The following NPAS3 variants were observed in gnomAD, a reference collection of about 807,000 sequenced individuals.
NPAS3 encodes the protein neuronal PAS domain protein 3, also known as neuronal PAS domain-containing protein 3.
In NPAS3, 14 loss-of-function variants were observed where a neutral mutation model predicts 73.1. The ratio of observed to expected loss-of-function variants is 0.19; its 90% CI spans 0.13 to 0.30. The LOEUF is 0.30. NPAS3 is among the 10% of genes least tolerant of loss of function. NPAS3 has a pLI of 1.00. For synonymous variants in NPAS3, 620 were observed against 541.5 expected, an observed-to-expected ratio of 1.14 and a Z score of -2.01; for missense variants, 1,096 against 1,250.0, an observed-to-expected ratio of 0.88 and a Z score of 1.86.
intron 4 of NPAS3, among the ~76,000 whole-genome samples, chr14:33,453,271 T>C (rs1409705668): frequency 1.3e-5 from 2 of 152,206 alleles, no homozygotes; most frequent in Non-Finnish European, 2.9e-5. Flanking sequence ...GATTGAGTTT[T>C]AATGTAAGAT....
intron 3 of NPAS3, among the ~76,000 whole-genome samples, chr14:33,322,689 T>C (rs927506632): frequency 6.6e-6 from 1 of 152,096 alleles, no homozygotes; most frequent in African/African-American, 2.4e-5. Flanking sequence ...TAACTAAAAG[T>C]TTTTCTGAGC....
At chr14:33,737,787 T>A (rs1225729065) in intron 7 of NPAS3, among the ~76,000 whole-genome samples, 1 of 152,110 alleles carries the variant, frequency 6.6e-6, no homozygotes, top group East Asian at 1.9e-4. Flanking sequence ...TATAAAACAT[T>A]CCAATAAAAC....
chr14:33,154,657 A>G (rs1005980921), intron 2 of NPAS3, among the ~76,000 whole-genome samples: 2 of 152,234 alleles, frequency 1.3e-5, no homozygotes, highest in Non-Finnish European at 2.9e-5. Context: ...GGGAAAAAAT[A>G]CATAATATGC....
chr14:33,387,562 C>T (rs972142252), intron 4 of NPAS3, among the ~76,000 whole-genome samples: 14 of 152,132 alleles, frequency 9.2e-5, no homozygotes, highest in Admixed American at 7.9e-4. Context: ...CCTCACACAT[C>T]CAGATGTAGA....
At chr14:33,635,240 C>T (rs1567073202) in intron 5 of NPAS3, among the ~76,000 whole-genome samples, 1 of 152,148 alleles carries the variant, frequency 6.6e-6, no homozygotes, top group Non-Finnish European at 1.5e-5. Context: ...GGGATATGCC[C>T]ATCACATCTG....
intron 4 of NPAS3, among the ~76,000 whole-genome samples, chr14:33,376,130 G>A (rs1017351785): frequency 5.3e-5 from 8 of 152,080 alleles, no homozygotes; most frequent in African/African-American, 1.9e-4. Context: ...TCAAACAGAG[G>A]TTGATTGTAA....
chr14:33,195,043 A>G (rs2046302015), intron 2 of NPAS3, among the ~76,000 whole-genome samples: 1 of 149,900 alleles, frequency 6.7e-6, no homozygotes, highest in Non-Finnish European at 1.5e-5. Context: ...GACTAGATAC[A>G]GATAATTGAT....
intron 5 of NPAS3, among the ~76,000 whole-genome samples, chr14:33,649,778 G>A (rs1048931391): frequency 2.6e-5 from 4 of 152,098 alleles, no homozygotes; most frequent in African/African-American, 9.7e-5. Context: ...GAAACAGACT[G>A]CATATAATAA....
upstream of NPAS3, chr14:32,935,003 G>C: frequency 7.6e-7 from 1 of 1,321,002 alleles, no homozygotes; most frequent in Non-Finnish European, 9.7e-7. Flanking sequence ...TACCAGCAGC[G>C]GTGAGTAGTC....
chr14:33,727,691 T>G (rs770054801), intron 6 of NPAS3, among the ~76,000 whole-genome samples: 1 of 152,064 alleles, frequency 6.6e-6, no homozygotes, highest in Non-Finnish European at 1.5e-5. Context: ...TGTTATTGAC[T>G]GTGTTTTTAT....
At chr14:33,578,154 C>A (rs1016692282) in intron 5 of NPAS3, 1 of 455,906 alleles carries the variant, frequency 2.2e-6, no homozygotes, top group Non-Finnish European at 4.4e-6. Context: ...ACTTTGCCTC[C>A]TTCTCTCTTC....
intron 4 of NPAS3, among the ~76,000 whole-genome samples, chr14:33,519,013 G>C (rs2053440066): frequency 6.6e-6 from 1 of 152,070 alleles, no homozygotes; most frequent in Admixed American, 6.6e-5. Context: ...CAACCTGGTA[G>C]ACTTTCTGAC....
intron 3 of NPAS3, among the ~76,000 whole-genome samples, chr14:33,245,718 A>G (rs1487153405): frequency 6.6e-6 from 1 of 152,160 alleles, no homozygotes; most frequent in Non-Finnish European, 1.5e-5. Flanking sequence ...AGTTAAACAC[A>G]CTGTGTTGAG....
Position 33,163,447 on chromosome 14 carries a change from GAA to G in NPAS3, c.141-51733_141-51732del, listed in dbSNP as rs1278602240. 4.6e-5 allele frequency among the ~76,000 whole-genome samples: 7 copies of G among 151,860 alleles called. 1 individual carries two copies. Among genetic ancestry groups the G allele is most frequent in the African/African-American group, 1.5e-4 (6 of 41,286 alleles). The stretch of plus-strand genomic sequence containing the variant: ...CGCAAATTGAGTTGATATGTAGAGA[GAA>G]AGAATCTTTCATTTAAAATGCAGTA... On this transcript the variant is annotated intron_variant, in intron 2 of 11. Transcript: ENST00000356141.
chr14:33,077,482 A>G (rs2041698166), intron 2 of NPAS3, among the ~76,000 whole-genome samples: 1 of 152,216 alleles, frequency 6.6e-6, no homozygotes, highest in African/African-American at 2.4e-5. Context: ...TGTATTTGAC[A>G]GAGCAGTGAG....
At chr14:32,989,087 G>A (rs2038209530) in intron 1 of NPAS3, among the ~76,000 whole-genome samples, 1 of 151,864 alleles carries the variant, frequency 6.6e-6, no homozygotes, top group African/African-American at 2.4e-5. Flanking sequence ...GATGAATGCT[G>A]TGGAAGAGGT....
intron 4 of NPAS3, among the ~76,000 whole-genome samples, chr14:33,540,903 G>A (rs146711834): frequency 9.2e-5 from 14 of 152,094 alleles, no homozygotes; most frequent in African/African-American, 3.4e-4. Flanking sequence ...TTTTGAAGAG[G>A]GATTATCTCC....
chr14:33,676,350 C>T (rs1327657565), exon 6 of NPAS3: 5 of 1,594,558 alleles, frequency 3.1e-6, no homozygotes, highest in Non-Finnish European at 4.3e-6. Flanking sequence ...GCCAGCTCAG[C>T]ATCTTCCTCC....
chr14:33,438,358 G>A (rs2049084390), intron 4 of NPAS3, among the ~76,000 whole-genome samples: 1 of 152,196 alleles, frequency 6.6e-6, no homozygotes, highest in Non-Finnish European at 1.5e-5. Flanking sequence ...CATGTGGCAG[G>A]GAAATGTAAC....
Sources: gnomAD v4.1 joint callset for allele counts (sites outside exome capture counted in the v4.1 genomes callset) on GRCh38, gnomAD v4.1.1 for gene constraint, MANE v1.5 for transcripts, NCBI Gene and HGNC (gene_info 2026-07-23, HGNC 2026-07-21) for gene names.